The following DLGAP2 variants were observed in gnomAD, a reference collection of about 807,000 sequenced individuals.
DLGAP2 encodes disks large-associated protein 2.
DLGAP2 carries 26 observed loss-of-function variants against 100.3 expected under a neutral mutation model. The ratio of observed to expected loss-of-function variants is 0.26; its 90% CI spans 0.19 to 0.36. The LOEUF is 0.36. Ranked by LOEUF, DLGAP2 falls within the 10% of genes least tolerant of loss-of-function variation. The pLI is 1.00. For synonymous variants in DLGAP2, 886 were observed against 630.1 expected, an observed-to-expected ratio of 1.41 and a Z score of -6.08; for missense variants, 1,858 against 1,453.2, an observed-to-expected ratio of 1.28 and a Z score of -4.53.
chr8:1,235,263 G>T (rs1407753127), intron 2 of DLGAP2, among the ~76,000 whole-genome samples: 1 of 142,020 alleles, frequency 7.0e-6, no homozygotes, highest in African/African-American at 2.7e-5. Flanking sequence ...GTCGTGTCTA[G>T]TTCTCTCTCA....
At chr8:1,139,222 C>A (rs1404388819) in intron 2 of DLGAP2, among the ~76,000 whole-genome samples, 1 of 152,198 alleles carries the variant, frequency 6.6e-6, no homozygotes, top group Admixed American at 6.5e-5. Flanking sequence ...GAGCTCCCAG[C>A]CACCAATGGC....
At chr8:971,833 C>A (rs1800022552) in intron 2 of DLGAP2, among the ~76,000 whole-genome samples, 1 of 152,086 alleles carries the variant, frequency 6.6e-6, no homozygotes, top group Non-Finnish European at 1.5e-5. Flanking sequence ...CAATTCCAGC[C>A]CCATTGTCTT....
intron 2 of DLGAP2, among the ~76,000 whole-genome samples, chr8:955,602 G>T (rs931914660): frequency 6.6e-6 from 1 of 152,024 alleles, no homozygotes; most frequent in Non-Finnish European, 1.5e-5. Context: ...ATAATACGTG[G>T]GATCTACTAC....
In DLGAP2 at chr8:1,316,184, G is replaced by T. The variant is rs537662460; in HGVS notation, c.106+57301G>T. ...GTCTACACTCGAGAAACTCAGCAGC[G>T]TTTAAAAATAGAGCCTGTACGAGTG... On this transcript the variant is annotated intron_variant, in intron 3 of 14. Coordinates refer to ENST00000637795, the MANE Select transcript of DLGAP2 (RefSeq NM_001346810.2). Among the ~76,000 whole-genome samples, 32 of 93,392 alleles carry T rather than the reference G, an allele frequency of 3.4e-4. 1 individual carries two copies. Among genetic ancestry groups the T allele is most frequent in the East Asian group, 5.9e-4 (2 of 3,378 alleles). 61.3% of individuals were successfully genotyped at this position (93,392 alleles called of 152,430 possible).
intron 2 of DLGAP2, among the ~76,000 whole-genome samples, chr8:1,174,941 A>T (rs1797221845): frequency 6.7e-6 from 1 of 148,790 alleles, no homozygotes; most frequent in Admixed American, 6.9e-5. Flanking sequence ...CACCCTTCTT[A>T]TGATGATAAG....
intron 2 of DLGAP2, among the ~76,000 whole-genome samples, chr8:938,807 C>T (rs1448818208): frequency 1.3e-5 from 2 of 152,146 alleles, no homozygotes; most frequent in South Asian, 4.1e-4. Context: ...AGAGGGAACC[C>T]AGGTCTCGGC....
intron 2 of DLGAP2, among the ~76,000 whole-genome samples, chr8:1,188,340 C>G (rs1482955670): frequency 7.1e-6 from 1 of 139,970 alleles, no homozygotes; most frequent in Middle Eastern, 3.8e-3. Flanking sequence ...CACGGAATCT[C>G]ACACACCCGG....
chr8:1,115,773 A>G (rs777834225), intron 2 of DLGAP2, among the ~76,000 whole-genome samples: 2 of 152,104 alleles, frequency 1.3e-5, no homozygotes, highest in East Asian at 3.9e-4. Flanking sequence ...GGTCAGCCAC[A>G]CTCATTTTAA....
At chr8:1,380,937 CAAAAAAAA>C (rs34675828) in intron 3 of DLGAP2, 21 of 77,110 alleles carry the variant, frequency 2.7e-4, no homozygotes, top group East Asian at 4.0e-4. Context: ...GAACATGATT[CAAAAAAAA>C]AAAAAAAAAA....
chr8:764,622 C>T (rs913784693), intron 1 of DLGAP2, among the ~76,000 whole-genome samples: 1 of 152,158 alleles, frequency 6.6e-6, no homozygotes, highest in African/African-American at 2.4e-5. Context: ...AAATCACCCT[C>T]ATGTTATTGA....
At chr8:819,512 T>C (rs1720826075) in intron 1 of DLGAP2, among the ~76,000 whole-genome samples, 1 of 152,146 alleles carries the variant, frequency 6.6e-6, no homozygotes, top group Non-Finnish European at 1.5e-5. Context: ...TGGGAAAATA[T>C]ATGAGAAAAG....
chr8:1,190,691 C>T (rs28572211), intron 2 of DLGAP2, among the ~76,000 whole-genome samples: 230 of 152,118 alleles, frequency 1.5e-3, no homozygotes, highest in African/African-American at 4.1e-3. Context: ...CCGTGTCTTA[C>T]GTAGAGAAGA....
chr8:742,232 T>C (rs1820505399), intron 1 of DLGAP2, among the ~76,000 whole-genome samples: 1 of 152,206 alleles, frequency 6.6e-6, no homozygotes, highest in Admixed American at 6.5e-5. Flanking sequence ...TGGTACATCG[T>C]GTGTATCGGC....
chr8:1,239,619 C>A, intron 2 of DLGAP2, among the ~76,000 whole-genome samples: 1 of 66,652 alleles, frequency 1.5e-5, no homozygotes, highest in East Asian at 3.7e-4. Context: ...GTCTAGTTCT[C>A]TCACATGGCG....
At chr8:1,084,607 T>C (rs1353880538) in intron 2 of DLGAP2, among the ~76,000 whole-genome samples, 1 of 152,206 alleles carries the variant, frequency 6.6e-6, no homozygotes, top group African/African-American at 2.4e-5. Flanking sequence ...AGGCTCCACG[T>C]TTAAGTGAGA....
rs1232329077 is a variant in DLGAP2, at chr8:1,293,353, T to TGC, written c.106+34471_106+34472dup. On this transcript the variant is annotated intron_variant, in intron 3 of 14. Transcript: ENST00000637795. Reference sequence around the variant, plus strand: ...CGGCTGAGCCATGGCTCCTTCCCTGTGCCTCCCTTTTCTGGGCTCCCGGAC... The same window carrying TGC: ...CGGCTGAGCCATGGCTCCTTCCCTGTGCGCCTCCCTTTTCTGGGCTCCCGGAC... Among the ~76,000 whole-genome samples, 104 of 152,046 alleles carry TGC rather than the reference T, an allele frequency of 6.8e-4. 1 individual carries two copies. The highest frequency in any genetic ancestry group is 2.3e-3 in the African/African-American group (96 of 41,486).
chr8:829,847 A>T (rs1050152680), intron 1 of DLGAP2, among the ~76,000 whole-genome samples: 1 of 152,216 alleles, frequency 6.6e-6, no homozygotes, highest in Non-Finnish European at 1.5e-5. Flanking sequence ...CTTGTCAATC[A>T]AATATTCAAA....
chr8:1,650,690 A>G (rs1235888628), intron 8 of DLGAP2, among the ~76,000 whole-genome samples: 6 of 151,798 alleles, frequency 4.0e-5, no homozygotes, highest in African/African-American at 1.2e-4. Context: ...TGGAGCAGAG[A>G]TGGGAGGAGA....
intron 4 of DLGAP2, among the ~76,000 whole-genome samples, chr8:1,514,904 GA>G (rs1276272972): frequency 6.6e-6 from 1 of 152,200 alleles, no homozygotes; most frequent in Non-Finnish European, 1.5e-5. Flanking sequence ...CCAGCCCCAC[GA>G]GGGGAAGAGC....
Sources: allele counts gnomAD v4.1 joint callset (sites outside exome capture counted in the v4.1 genomes callset), GRCh38; gene constraint gnomAD v4.1.1; transcripts MANE v1.5; gene names NCBI Gene and HGNC (gene_info 2026-07-23, HGNC 2026-07-21).